Variants in TIA1 observed in about 807,000 individuals in gnomAD.
TIA1 encodes the protein TIA1 cytotoxic granule associated RNA binding protein.
Under a neutral mutation model 65.9 loss-of-function variants are expected in TIA1, and 23 were observed. The ratio of observed to expected loss-of-function variants is 0.35; its 90% CI spans 0.25 to 0.49. The LOEUF (loss-of-function observed/expected upper bound fraction) is 0.49, where lower values mean the gene tolerates loss of function less well. Among genes scored for constraint, TIA1 ranks in the 20% least tolerant of loss-of-function variants. The pLI is 0.98. For missense variants in TIA1, 371 were observed against 477.9 expected (o/e 0.78, Z 2.09); for synonymous variants, 147 against 149.4 (o/e 0.98, Z 0.12).
chr2:70,236,202 C>CAT, intron 1 of TIA1, 27 bp from the exon 2 acceptor site: 2 of 1,179,500 alleles, frequency 1.7e-6, no homozygotes, highest in Non-Finnish European at 2.4e-6. Context: ...AACAATTTAC[C>CAT]TTTTTTTTTT....
intron 2 of TIA1, among the ~76,000 whole-genome samples, chr2:70,232,133 C>T (rs1312194420): frequency 5.6e-5 from 8 of 143,436 alleles, no homozygotes; most frequent in African/African-American, 2.1e-4. Context: ...ACCCAGGAGA[C>T]GGAGCTTGCA....
At chr2:70,213,664 T>A (rs1349005474) in intron 12 of TIA1, among the ~76,000 whole-genome samples, 1 of 151,834 alleles carries the variant, frequency 6.6e-6, no homozygotes, top group Non-Finnish European at 1.5e-5. Context: ...ATCCTTTTTT[T>A]TTTTTGAGAC....
Position 70,242,351 on chromosome 2 carries a change from T to C in TIA1, c.26+6054A>G, listed in dbSNP as rs944392955. On this transcript the variant is annotated intron_variant, in intron 1 of 12. Transcript: ENST00000433529. Reference sequence around the variant, plus strand: ...GTTCGAGATCAGCCTGGCCAATATGTTGAAACTTGCCTCTACTAAAAACAC... The same window carrying C: ...GTTCGAGATCAGCCTGGCCAATATGCTGAAACTTGCCTCTACTAAAAACAC... 5.9e-5 allele frequency among the ~76,000 whole-genome samples: 9 copies of C among 151,662 alleles called. 1 individual carries two copies. The highest frequency in any genetic ancestry group is 1.3e-4 in the Admixed American group (2 of 15,190).
Position 70,231,270 on chromosome 2 carries a change from C to G in TIA1, c.124-416G>C, listed in dbSNP as rs546374420. Among the ~76,000 whole-genome samples, 110 of 152,250 alleles carry G rather than the reference C, an allele frequency of 7.2e-4. No homozygotes were observed. In the South Asian group the frequency reaches 0.022, roughly 30 times the overall value. ...TAAGCTGAGACTGCGCCACTGCACT[C>G]CAGCCTGGGCGACAGAGCAAGACTC... On this transcript the variant is annotated intron_variant, in intron 2 of 12. Coordinates refer to ENST00000433529, the MANE Select transcript of TIA1 (RefSeq NM_022173.4).
rs1461358883 is a variant in TIA1, at chr2:70,212,785, C to T, written c.1095G>A (p.Gly365=). Residue 365 remains glycine (G), a synonymous_variant, in exon 13 of 13, where the codon GGG becomes GGA. Transcript: ENST00000433529. ...GPNYGVQPPQ[G]QNGSMLPNQP... ...GATTGGGCAACATGCTGCCATTTTG[C>T]CCTTGAGGCGGTTGCACTCCATAAT... 2 of 1,614,116 alleles carry T rather than the reference C, an allele frequency of 1.2e-6. No homozygotes were observed. Among genetic ancestry groups the T allele is most frequent in the South Asian group, 1.1e-5 (1 of 91,078 alleles).
chr2:70,230,629 G>A, intron 3 of TIA1, 127 bp downstream of exon 3: 1 of 638,744 alleles, frequency 1.6e-6, no homozygotes, highest in Non-Finnish European at 2.5e-6. Context: ...TCCAGATTGG[G>A]CAACAAGGGC....
intron 3 of TIA1, among the ~76,000 whole-genome samples, chr2:70,230,279 C>T (rs1051440626): frequency 4.7e-5 from 7 of 149,850 alleles, no homozygotes; most frequent in African/African-American, 1.7e-4. Flanking sequence ...CTAACATAAA[C>T]ACAAGCCTCT....
intron 7 of TIA1, among the ~76,000 whole-genome samples, chr2:70,217,600 T>C (rs1286587829): frequency 6.6e-6 from 1 of 152,172 alleles, no homozygotes; most frequent in Non-Finnish European, 1.5e-5. Flanking sequence ...GGTTTCGCCA[T>C]GTTAGCCAGG....
intron 5 of TIA1, 35 bp from the exon 6 acceptor site, chr2:70,227,857 A>C: frequency 7.0e-7 from 1 of 1,434,968 alleles, no homozygotes; most frequent in Non-Finnish European, 9.7e-7. Context: ...TGAAAAGAAA[A>C]ATAGAACTTT....
In TIA1 at chr2:70,212,789, T is replaced by C; in HGVS notation, c.1091A>G (p.Gln364Arg). Residue 364 changes from glutamine to arginine, a missense_variant, in exon 13 of 13, where the codon CAA becomes CGA. Coordinates refer to ENST00000433529, the MANE Select transcript of TIA1 (RefSeq NM_022173.4). The stretch of plus-strand genomic sequence containing the variant: ...GGGCAACATGCTGCCATTTTGCCCT[T>C]GAGGCGGTTGCACTCCATAATTTGG... Reference protein sequence around the residue: ...MGPNYGVQPPQGQNGSMLPNQ... With the variant: ...MGPNYGVQPPRGQNGSMLPNQ... 6.2e-7 allele frequency: 1 copy of C among 1,614,170 alleles called. No homozygotes were observed. Among genetic ancestry groups the C allele is most frequent in the Non-Finnish European group, 8.5e-7 (1 of 1,180,010 alleles).
chr2:70,225,803 C>T (rs577858427), intron 6 of TIA1, among the ~76,000 whole-genome samples: 6 of 152,212 alleles, frequency 3.9e-5, no homozygotes, highest in South Asian at 4.1e-4. Context: ...CTCTCTTCTA[C>T]GCTGTAATTT....
rs752346516 is a variant in TIA1, at chr2:70,216,281, G to A, written c.691C>T (p.Arg231Cys). 5.7e-6 allele frequency: 9 copies of A among 1,591,170 alleles called. No homozygotes were observed. The highest frequency in any genetic ancestry group is 6.0e-6 in the Non-Finnish European group (7 of 1,173,546). Residue 231 changes from arginine to cysteine, a missense_variant, in exon 10 of 13, where the codon CGT becomes TGT. By Grantham distance (180) the Arg-to-Cys change is radical. Transcript: ENST00000433529. ...VTSGLTEQLM[R>C]QTFSPFGQIM... is the part of the protein sequence containing the mutation. ...TGTCCAAATGGTGAAAAAGTCTGAC[G>A]CATTAGTTGTTCTGTTAGACAAAAA...
chr2:70,223,733 A>G (rs995098477), intron 7 of TIA1, among the ~76,000 whole-genome samples: 2 of 146,324 alleles, frequency 1.4e-5, no homozygotes, highest in Non-Finnish European at 3.0e-5. Flanking sequence ...GAATTCCCGG[A>G]AAAAAAAAAA....
intron 2 of TIA1, among the ~76,000 whole-genome samples, chr2:70,232,783 C>T (rs888887211): frequency 1.3e-5 from 2 of 151,600 alleles, no homozygotes; most frequent in African/African-American, 2.4e-5. Context: ...GCAGGAGATT[C>T]GCTTGAACTC....
intron 7 of TIA1, among the ~76,000 whole-genome samples, chr2:70,222,926 ATAT>A (rs144715322): frequency 0.03 from 4,592 of 152,230 alleles, 242 homozygotes; most frequent in African/African-American, 0.1. Context: ...AAAAAAAATT[ATAT>A]TATTTACTCA....
At chr2:70,234,524 A>T in intron 2 of TIA1, among the ~76,000 whole-genome samples, 1 of 152,228 alleles carries the variant, frequency 6.6e-6, no homozygotes, top group South Asian at 2.1e-4. Flanking sequence ...CAAAGGTCTG[A>T]CAACATTTTA....
chr2:70,229,224 C>T (rs1418448099), intron 4 of TIA1, 40 bp downstream of exon 4: 2 of 1,609,720 alleles, frequency 1.2e-6, no homozygotes, highest in South Asian at 1.1e-5. Context: ...CTACTGGGTA[C>T]AATAAAAACA....
intron 2 of TIA1, among the ~76,000 whole-genome samples, chr2:70,232,203 T>G (rs1208087416): frequency 1.9e-5 from 2 of 107,192 alleles, no homozygotes; most frequent in African/African-American, 3.5e-5. Context: ...AGCGAGACTC[T>G]GTCTCAAAAA....
intron 7 of TIA1, among the ~76,000 whole-genome samples, chr2:70,221,257 G>A (rs1438716578): frequency 3.3e-5 from 5 of 151,710 alleles, no homozygotes; most frequent in South Asian, 4.2e-4. Context: ...TGCTTGCCTC[G>A]GCCACCCAAA....
Sources: gnomAD v4.1 joint callset for allele counts (sites outside exome capture counted in the v4.1 genomes callset) on GRCh38, gnomAD v4.1.1 for gene constraint, MANE v1.5 for transcripts, NCBI Gene and HGNC (gene_info 2026-07-23, HGNC 2026-07-21) for gene names.